The following EXD1 variants were observed in gnomAD, a reference collection of about 807,000 sequenced individuals.
EXD1 encodes piRNA biogenesis protein EXD1.
A neutral mutation model predicts 49.1 loss-of-function variants in EXD1; 63 were observed. The ratio of observed to expected loss-of-function variants is 1.28; its 90% CI spans 1.05 to 1.58. The LOEUF is 1.58. Ranked by LOEUF, EXD1 falls within the 40% of genes most tolerant of loss-of-function variation. The pLI is 0.00. For missense variants in EXD1, 748 were observed against 666.0 expected, an observed-to-expected ratio of 1.12 and a Z score of -1.36; for synonymous variants, 234 against 239.2, an observed-to-expected ratio of 0.98 and a Z score of 0.20.
At chr15:41,199,844 A>G (rs1273388022) in intron 7 of EXD1, among the ~76,000 whole-genome samples, 1 of 143,522 alleles carries the variant, frequency 7.0e-6, no homozygotes, top group African/African-American at 2.6e-5. Flanking sequence ...TATGATATAT[A>G]TAATATGTCA....
In EXD1 at chr15:41,211,700, C is replaced by T. The variant is rs190985437; in HGVS notation, c.448-2113G>A. Among the ~76,000 whole-genome samples, 790 of 151,626 alleles carry T rather than the reference C, an allele frequency of 5.2e-3. 3 individuals carry two copies. Among genetic ancestry groups the T allele is most frequent in the Non-Finnish European group, 7.3e-3 (496 of 67,950 alleles). ...TAAGGCTGGGCGCAGTGGCTCACGC[C>T]TGTAATCCCAGTACTTTGGGAGGCC... On this transcript the variant is annotated intron_variant, in intron 6 of 11. Coordinates refer to ENST00000458580, the MANE Select transcript of EXD1 (RefSeq NM_001286441.2).
intron 7 of EXD1, among the ~76,000 whole-genome samples, chr15:41,198,510 T>G (rs892295707): frequency 1.3e-5 from 2 of 151,826 alleles, no homozygotes; most frequent in Admixed American, 6.6e-5. Context: ...GGAAAACTTA[T>G]GGACACCCCA....
chr15:41,191,675 A>AT, intron 9 of EXD1, 90 bp from the exon 10 acceptor site: 1 of 1,306,960 alleles, frequency 7.7e-7, no homozygotes, highest in Non-Finnish European at 1.1e-6. Flanking sequence ...ATGTCTAAAT[A>AT]ACATTTTCCC....
chr15:41,195,167 G>A (rs2046589431), intron 9 of EXD1, among the ~76,000 whole-genome samples: 1 of 152,302 alleles, frequency 6.6e-6, no homozygotes, highest in African/African-American at 2.4e-5. Context: ...CAGGAGGATG[G>A]CTTGAGAGTA....
intron 7 of EXD1, among the ~76,000 whole-genome samples, chr15:41,201,267 G>A (rs2046724859): frequency 6.6e-6 from 1 of 151,998 alleles, no homozygotes; most frequent in Non-Finnish European, 1.5e-5. Flanking sequence ...ACCATTTTAA[G>A]GTGAATGAAC....
At chr15:41,219,799 C>G in intron 3 of EXD1, 31 bp downstream of exon 3, 13 of 1,493,530 alleles carry the variant, frequency 8.7e-6, no homozygotes, top group Non-Finnish European at 1.1e-5. Flanking sequence ...AATCTCAGTA[C>G]TAGCATTTTC....
At chr15:41,194,583 T>C (rs551408289) in intron 9 of EXD1, among the ~76,000 whole-genome samples, 1 of 152,304 alleles carries the variant, frequency 6.6e-6, no homozygotes, top group Admixed American at 6.5e-5. Context: ...AACAATAAAA[T>C]AATAAATTTG....
chr15:41,186,882 CT>C (rs774036405), intron 11 of EXD1, among the ~76,000 whole-genome samples: 114 of 133,508 alleles, frequency 8.5e-4, no homozygotes, highest in African/African-American at 1.6e-3. Context: ...TCAAGCGATT[CT>C]TTTTTTTTTT....
At chr15:41,197,037 C>A (rs1411473016) in intron 7 of EXD1, among the ~76,000 whole-genome samples, 1 of 151,942 alleles carries the variant, frequency 6.6e-6, no homozygotes, top group Admixed American at 6.6e-5. Flanking sequence ...GTTGCCCAGG[C>A]TGGTTTCAAA....
chr15:41,228,024 T>C (rs188567934), intron 1 of EXD1, among the ~76,000 whole-genome samples: 1 of 152,178 alleles, frequency 6.6e-6, no homozygotes, highest in Non-Finnish European at 1.5e-5. Flanking sequence ...CACTCCAGCC[T>C]GGGAGACAAG....
chr15:41,217,034 G>T, intron 4 of EXD1, 63 bp downstream of exon 4: 3 of 1,461,518 alleles, frequency 2.1e-6, no homozygotes, highest in Non-Finnish European at 2.8e-6. Flanking sequence ...TTAGAGTTAA[G>T]GCTTTCTACC....
intron 7 of EXD1, among the ~76,000 whole-genome samples, chr15:41,197,787 C>T (rs1333184491): frequency 1.4e-5 from 2 of 146,554 alleles, no homozygotes; most frequent in Non-Finnish European, 3.1e-5. Flanking sequence ...CCACACCTGG[C>T]TAATTTTTTG....
chr15:41,215,884 T>C, intron 5 of EXD1, 51 bp from the exon 6 acceptor site: 1 of 1,586,016 alleles, frequency 6.3e-7, no homozygotes, highest in Non-Finnish European at 8.7e-7. Context: ...AGCAACAGAA[T>C]AGCTTTCTCA....
In EXD1 at chr15:41,197,332, A is replaced by G. The variant is rs187383457; in HGVS notation, c.535-1295T>C. Among the ~76,000 whole-genome samples, 4 of 148,236 alleles carry G rather than the reference A, an allele frequency of 2.7e-5. No homozygotes were observed. In the East Asian group the frequency reaches 8.0e-4, roughly 30 times the overall value. ...AACCTCTGCTGTCCGGGTTCTCGCC[A>G]TTCTCCTGCCTCAGCCTCCTGAGTA... is the stretch of plus-strand genomic sequence containing the variant. On this transcript the variant is annotated intron_variant, in intron 7 of 11. Coordinates refer to ENST00000458580, the MANE Select transcript of EXD1 (RefSeq NM_001286441.2).
In EXD1 at chr15:41,209,515, G is replaced by C; in HGVS notation, c.520C>G (p.Leu174Val). Residue 174 changes from leucine (L) to valine (V), a missense_variant, in exon 7 of 12, where the codon CTG (leucine) becomes GTG (valine). Leu to Val is a conservative substitution (Grantham distance 32). Transcript: ENST00000458580. ...AAATCTTTCACCTGCAGCCAGCACA[G>C]TTTGCCATGGCGACATACATTCGCT... The part of the protein sequence containing the change: ...EGANVCRHGK[L>V]CWLQVATNCR... 1 of 1,614,116 alleles carries C rather than the reference G, an allele frequency of 6.2e-7. No individual in the cohort carries two copies. Among genetic ancestry groups the C allele is most frequent in the Non-Finnish European group, 8.5e-7 (1 of 1,180,016 alleles).
intron 11 of EXD1, among the ~76,000 whole-genome samples, chr15:41,186,470 C>CCAAAAAAAAAA (rs568747621): frequency 1.5e-5 from 1 of 68,286 alleles, no homozygotes; most frequent in Non-Finnish European, 2.7e-5. Context: ...GACTCTGTCT[C>CCAAAAAAAAAA]AAAAAAAAAA....
At chr15:41,214,664 T>C (rs1043694197) in intron 6 of EXD1, among the ~76,000 whole-genome samples, 48 of 152,206 alleles carry the variant, frequency 3.2e-4, no homozygotes, top group African/African-American at 1.1e-3. Flanking sequence ...CCTGTCACAC[T>C]GACCTCCCTG....
intron 6 of EXD1, among the ~76,000 whole-genome samples, chr15:41,212,698 T>C (rs1329665135): frequency 1.3e-5 from 2 of 152,268 alleles, no homozygotes; most frequent in East Asian, 1.9e-4. Context: ...CAAATGTCCA[T>C]CAAATGGTGA....
At chr15:41,196,129 T>C in intron 7 of EXD1, 92 bp from the exon 8 acceptor site, 1 of 850,962 alleles carries the variant, frequency 1.2e-6, no homozygotes, top group Non-Finnish European at 1.8e-6. Flanking sequence ...CGTGATAAAA[T>C]ATCTAACATC....
Sources: allele counts gnomAD v4.1 joint callset (sites outside exome capture counted in the v4.1 genomes callset), GRCh38; gene constraint gnomAD v4.1.1; transcripts MANE v1.5; gene names NCBI Gene and HGNC (gene_info 2026-07-23, HGNC 2026-07-21).